Variants in PRKG1 observed in about 807,000 individuals in gnomAD.
PRKG1 encodes the protein cGMP-dependent protein kinase 1.
PRKG1 carries 35 observed loss-of-function variants against 88.1 expected under a neutral mutation model. The observed-to-expected ratio is 0.40, with a 90% CI of 0.30 to 0.53. The LOEUF (loss-of-function observed/expected upper bound fraction) is 0.53, where lower values mean the gene tolerates loss of function less well. Among genes scored for constraint, PRKG1 ranks in the 20% least tolerant of loss-of-function variants. The pLI is 0.59. For synonymous variants in PRKG1, 303 were observed against 292.5 expected, an observed-to-expected ratio of 1.04 and a Z score of -0.37; for missense variants, 540 against 839.8, an observed-to-expected ratio of 0.64 and a Z score of 4.41.
chr10:51,512,480 T>C (rs1203899003), intron 3 of PRKG1, among the ~76,000 whole-genome samples: 1 of 136,384 alleles, frequency 7.3e-6, no homozygotes, highest in Non-Finnish European at 1.6e-5. Flanking sequence ...TTACTGAGAA[T>C]GATGGTTTCC....
chr10:51,497,226 A>C (rs893135030), intron 3 of PRKG1, among the ~76,000 whole-genome samples: 2 of 152,166 alleles, frequency 1.3e-5, no homozygotes, highest in Non-Finnish European at 2.9e-5. Context: ...ACTAATTCTT[A>C]CCTTACAACT....
intron 4 of PRKG1, among the ~76,000 whole-genome samples, chr10:51,884,803 C>G (rs1420598966): frequency 6.6e-6 from 1 of 152,046 alleles, no homozygotes; most frequent in East Asian, 1.9e-4. Flanking sequence ...TGTCTTATAC[C>G]TTATTTTGAC....
rs368465530 is a variant in PRKG1, at chr10:52,054,499, G to T, written c.778G>T (p.Gly260Ter). Reference sequence around the variant, plus strand: ...TACTTTTCAGACCCACTATGAAAATGGAGAATATATTATCAGGCAAGGTGC... The same window carrying T: ...TACTTTTCAGACCCACTATGAAAATTGAGAATATATTATCAGGCAAGGTGC... ...DVLEETHYEN[G>*]EYIIRQGARG... The change falls in exon 6 of 18, where the codon GGA (glycine) becomes TGA (stop). Residue 260 changes from glycine (G) to a stop codon, truncating the protein, a stop_gained. Transcript: ENST00000373980. LOFTEE classifies it high-confidence loss of function. 1 of 1,613,364 alleles carries T rather than the reference G, an allele frequency of 6.2e-7. No homozygotes were observed. Among genetic ancestry groups the T allele is most frequent in the Non-Finnish European group, 8.5e-7 (1 of 1,179,596 alleles).
At chr10:51,861,198 G>A (rs1044060381) in intron 4 of PRKG1, among the ~76,000 whole-genome samples, 4 of 152,164 alleles carry the variant, frequency 2.6e-5, no homozygotes, top group African/African-American at 7.2e-5. Context: ...GTTCAAATAT[G>A]CTTAAACAAA....
At chr10:51,467,057 T>C (rs1366080236) in intron 2 of PRKG1, among the ~76,000 whole-genome samples, 3 of 152,084 alleles carry the variant, frequency 2.0e-5, no homozygotes, top group Admixed American at 6.5e-5. Flanking sequence ...CAGGTAACAA[T>C]ATATACCCAG....
chr10:51,619,982 A>T (rs912125291), intron 3 of PRKG1, among the ~76,000 whole-genome samples: 20 of 152,130 alleles, frequency 1.3e-4, no homozygotes, highest in Non-Finnish European at 1.9e-4. Flanking sequence ...CCAGATTGAA[A>T]CATGCCATGA....
At chr10:51,823,377 G>C (rs896945191) in intron 4 of PRKG1, among the ~76,000 whole-genome samples, 1 of 152,058 alleles carries the variant, frequency 6.6e-6, no homozygotes, top group Non-Finnish European at 1.5e-5. Flanking sequence ...ATGGCATATA[G>C]GGTGAAACTA....
At chr10:51,486,349 G>T (rs1201011833) in intron 3 of PRKG1, among the ~76,000 whole-genome samples, 2 of 152,030 alleles carry the variant, frequency 1.3e-5, no homozygotes, top group East Asian at 3.9e-4. Flanking sequence ...AAGAGAGCAG[G>T]ATGACTTTTG....
At chr10:51,176,780 G>T (rs1289882460) in intron 2 of PRKG1, among the ~76,000 whole-genome samples, 3 of 152,100 alleles carry the variant, frequency 2.0e-5, no homozygotes, top group South Asian at 2.1e-4. Flanking sequence ...CTAACACTTG[G>T]AGTATGATGG....
At chr10:52,263,599 C>T (rs542419775) in intron 10 of PRKG1, among the ~76,000 whole-genome samples, 10 of 144,434 alleles carry the variant, frequency 6.9e-5, no homozygotes, top group Non-Finnish European at 1.5e-4. Flanking sequence ...TTTTTTGAGA[C>T]AGGGTCTTGC....
intron 5 of PRKG1, among the ~76,000 whole-genome samples, chr10:51,965,145 G>A (rs967448653): frequency 6.6e-6 from 1 of 152,230 alleles, no homozygotes; most frequent in Non-Finnish European, 1.5e-5. Context: ...AGGTAAACTT[G>A]TCTCTTTGTT....
At chr10:51,613,182 T>C (rs1217517276) in intron 3 of PRKG1, among the ~76,000 whole-genome samples, 1 of 152,046 alleles carries the variant, frequency 6.6e-6, no homozygotes, top group East Asian at 1.9e-4. Context: ...TTTTTATTAC[T>C]GATTCAATCT....
chr10:51,664,953 C>A (rs954385998), intron 3 of PRKG1, among the ~76,000 whole-genome samples: 4 of 152,106 alleles, frequency 2.6e-5, no homozygotes, highest in Admixed American at 6.6e-5. Context: ...GCCATCTGAC[C>A]TGTGGACTTT....
intron 1 of PRKG1, among the ~76,000 whole-genome samples, chr10:51,121,883 G>A (rs1845268297): frequency 6.6e-6 from 1 of 152,134 alleles, no homozygotes; most frequent in East Asian, 1.9e-4. Flanking sequence ...AGATAAATAT[G>A]GTCCTAATGG....
At chr10:51,754,709 C>T (rs998218265) in intron 3 of PRKG1, among the ~76,000 whole-genome samples, 12 of 152,172 alleles carry the variant, frequency 7.9e-5, no homozygotes, top group Non-Finnish European at 1.2e-4. Context: ...AAGTAGTCAC[C>T]GTTGCTGCCT....
chr10:51,171,538 A>T (rs1226937924), intron 2 of PRKG1, among the ~76,000 whole-genome samples: 1 of 152,026 alleles, frequency 6.6e-6, no homozygotes, highest in East Asian at 1.9e-4. Context: ...TATTTATCCT[A>T]TGGGAAGGGA....
Position 51,645,560 on chromosome 10 carries a change from T to A in PRKG1, c.593-159025T>A, listed in dbSNP as rs572614685. On this transcript the variant is annotated intron_variant, in intron 3 of 17. Transcript: ENST00000373980. ...TTAGTCACCATTTTTCTAATTAGAGTGTGAAATCTTAATTTTTTGGAGTCT... is the reference window on the plus strand; with the variant it reads ...TTAGTCACCATTTTTCTAATTAGAGAGTGAAATCTTAATTTTTTGGAGTCT... 4.6e-5 allele frequency among the ~76,000 whole-genome samples: 7 copies of A among 152,256 alleles called. No individual in the cohort carries two copies. In the East Asian group the frequency reaches 1.3e-3, roughly 29 times the overall value.
At chr10:51,716,180 C>T (rs1405312157) in intron 3 of PRKG1, among the ~76,000 whole-genome samples, 2 of 152,194 alleles carry the variant, frequency 1.3e-5, no homozygotes, top group African/African-American at 2.4e-5. Flanking sequence ...ATCTGCTGCT[C>T]TTGTGGGGAG....
At chr10:51,767,657 G>A (rs1388630401) in intron 3 of PRKG1, among the ~76,000 whole-genome samples, 1 of 151,978 alleles carries the variant, frequency 6.6e-6, no homozygotes, top group African/African-American at 2.4e-5. Flanking sequence ...AAATCAGGCT[G>A]TTAGAACAGA....
Sources: gnomAD v4.1 joint callset for allele counts (sites outside exome capture counted in the v4.1 genomes callset) on GRCh38, gnomAD v4.1.1 for gene constraint, MANE v1.5 for transcripts, NCBI Gene and HGNC (gene_info 2026-07-23, HGNC 2026-07-21) for gene names.